ANKRD6: variants seen among roughly 807,000 people sequenced by gnomAD.
ANKRD6 encodes ankyrin repeat domain-containing protein 6.
Under a neutral mutation model 82.3 loss-of-function variants are expected in ANKRD6, and 56 were observed. That is an observed-to-expected ratio of 0.68 (90% CI 0.55 to 0.85). ANKRD6 has a LOEUF of 0.85. Ranked by LOEUF, ANKRD6 falls within the 40% of genes least tolerant of loss-of-function variation. The pLI, the probability that ANKRD6 is intolerant of heterozygous loss-of-function variation, is 0.00. For missense variants in ANKRD6, 852 were observed against 907.6 expected (o/e 0.94, Z 0.79); for synonymous variants, 347 against 352.1 (o/e 0.99, Z 0.16).
intron 13 of ANKRD6, 106 bp downstream of exon 13, chr6:89,624,797 TG>T: frequency 7.6e-7 from 1 of 1,308,580 alleles, no homozygotes; most frequent in Admixed American, 2.8e-5. Context: ...GAGTGTCCAG[TG>T]GGCTGTCAGG....
chr6:89,630,721 A>G lies in ANKRD6; in HGVS notation c.1901A>G (p.Gln634Arg). 6.2e-7 allele frequency: 1 copy of G among 1,613,942 alleles called. No homozygotes were observed. ...AGTGGGCCAACAAGGCATCGTGCCC[A>G]GCAACCCGCAGCCAGCAGCACCTGT... ...GKSGPTRHRA[Q>R]QPAASSTCGQ... Residue 634 changes from glutamine to arginine, a missense_variant, in exon 16 of 16, where the codon CAG becomes CGG. Physicochemically the swap from Gln to Arg is conservative, Grantham distance 43 (BLOSUM62 1). Transcript: ENST00000339746.
At position 89,530,392 on chromosome 6, in the gene ANKRD6, TAAA is replaced by T. The variant is rs548906817; in HGVS notation, c.-143-36430_-143-36428del. On this transcript the variant is annotated intron_variant, in intron 1 of 15. Transcript: ENST00000339746. ...GGTTGCCACAAACCTTCAATTTGTTTAAAAAAAAAAAAAAGTGAAGCACAACAG... is the reference window on the plus strand; with the variant it reads ...GGTTGCCACAAACCTTCAATTTGTTTAAAAAAAAAAAGTGAAGCACAACAG... Among the ~76,000 whole-genome samples, 346 of 143,340 alleles carry T rather than the reference TAAA, an allele frequency of 2.4e-3. 4 individuals are homozygous for T. The highest frequency in any genetic ancestry group is 8.4e-3 in the African/African-American group (328 of 39,200). 94.0% of individuals were successfully genotyped at this position (143,340 alleles called of 152,430 possible).
chr6:89,615,728 C>T (rs1801406486), intron 7 of ANKRD6, among the ~76,000 whole-genome samples: 1 of 151,980 alleles, frequency 6.6e-6, no homozygotes, highest in Non-Finnish European at 1.5e-5. Context: ...GTATCAGGCG[C>T]TTTGCCTGAT....
intron 11 of ANKRD6, 131 bp downstream of exon 11, chr6:89,623,675 A>G: frequency 7.3e-7 from 1 of 1,378,230 alleles, no homozygotes. Context: ...GAGCACAGAA[A>G]TTAAATCTGG....
intron 5 of ANKRD6, among the ~76,000 whole-genome samples, chr6:89,610,483 G>A (rs1258885701): frequency 6.6e-6 from 1 of 151,854 alleles, no homozygotes; most frequent in Non-Finnish European, 1.5e-5. Context: ...ACCACAATTT[G>A]TTTATCCAAA....
intron 1 of ANKRD6, among the ~76,000 whole-genome samples, chr6:89,445,264 C>CT (rs1227274602): frequency 0.13 from 8,059 of 64,160 alleles, 1,009 homozygotes; most frequent in East Asian, 0.31. Flanking sequence ...AGAGATCTTT[C>CT]TTTTTTTTTT....
At chr6:89,630,385 T>C in intron 15 of ANKRD6, 48 bp from the exon 16 acceptor site, 3 of 1,569,638 alleles carry the variant, frequency 1.9e-6, no homozygotes, top group Non-Finnish European at 2.6e-6. Context: ...GCCATATGAC[T>C]GTGTGAATGT....
chr6:89,548,329 C>A (rs1195376165), intron 1 of ANKRD6, among the ~76,000 whole-genome samples: 1 of 152,162 alleles, frequency 6.6e-6, no homozygotes, highest in African/African-American at 2.4e-5. Context: ...TTTAATTTTT[C>A]AAGATGCATC....
intron 1 of ANKRD6, among the ~76,000 whole-genome samples, chr6:89,467,638 A>G (rs1277724091): frequency 6.6e-6 from 1 of 152,222 alleles, no homozygotes; most frequent in Non-Finnish European, 1.5e-5. Context: ...CATAATGCTT[A>G]GTATCACAGT....
At chr6:89,576,605 A>G (rs1791159851) in intron 2 of ANKRD6, among the ~76,000 whole-genome samples, 1 of 152,166 alleles carries the variant, frequency 6.6e-6, no homozygotes, top group African/African-American at 2.4e-5. Context: ...TGAACAAGAC[A>G]GGAAAAAACA....
At chr6:89,444,696 G>A (rs1043688304) in intron 1 of ANKRD6, among the ~76,000 whole-genome samples, 19 of 152,232 alleles carry the variant, frequency 1.2e-4, no homozygotes, top group African/African-American at 3.9e-4. Context: ...GGCTGGGCGC[G>A]GTGGCTCACG....
At chr6:89,459,360 G>A (rs1198925191) in intron 1 of ANKRD6, among the ~76,000 whole-genome samples, 1 of 152,194 alleles carries the variant, frequency 6.6e-6, no homozygotes, top group East Asian at 1.9e-4. Flanking sequence ...TTACAGGCAT[G>A]AGCCACCATG....
chr6:89,511,401 CT>C (rs1203793824), intron 1 of ANKRD6, among the ~76,000 whole-genome samples: 83 of 152,318 alleles, frequency 5.4e-4, no homozygotes, highest in Non-Finnish European at 1.8e-4. Context: ...AGACCCAAGT[CT>C]GGGTACCCTG....
chr6:89,623,368 G>C, intron 10 of ANKRD6, 42 bp from the exon 11 acceptor site: 1 of 1,575,592 alleles, frequency 6.3e-7, no homozygotes, highest in Non-Finnish European at 8.6e-7. Context: ...AAAAGGCCAA[G>C]GAAGCAAACA....
intron 2 of ANKRD6, among the ~76,000 whole-genome samples, chr6:89,583,159 C>A (rs150927187): frequency 6.6e-6 from 1 of 152,180 alleles, no homozygotes; most frequent in African/African-American, 2.4e-5. Flanking sequence ...GGTATTTCCC[C>A]CTGAGGTTTC....
chr6:89,433,899 G>A lies in ANKRD6; in HGVS notation c.-144+524G>A, dbSNP rs1176978569. ...AAGCCTCAGCAAGTGGCATCTCCCG[G>A]GGTCCAGAGAGTCGGCGTGCTGTCT... is the stretch of plus-strand genomic sequence containing the variant. On this transcript the variant is annotated intron_variant, in intron 1 of 15. Coordinates refer to ENST00000339746, the MANE Select transcript of ANKRD6 (RefSeq NM_001242809.2). The surrounding 1 kb of genome is among the most constrained non-coding windows in gnomAD (Gnocchi z 4.3). 6.6e-6 allele frequency among the ~76,000 whole-genome samples: 1 copy of A among 152,258 alleles called. No homozygotes were observed. Among genetic ancestry groups the A allele is most frequent in the African/African-American group, 2.4e-5 (1 of 41,476 alleles).
intron 1 of ANKRD6, among the ~76,000 whole-genome samples, chr6:89,496,613 C>T (rs955859739): frequency 1.3e-5 from 2 of 152,158 alleles, no homozygotes; most frequent in Non-Finnish European, 2.9e-5. Context: ...ACCTCCTCCT[C>T]CCGGGTTTAA....
In ANKRD6 at chr6:89,624,604, T is replaced by A. The variant is rs1355853705; in HGVS notation, c.1284T>A (p.Thr428=). Residue 428 remains threonine (T), a synonymous_variant, in exon 13 of 16, where the codon ACT becomes ACA. Transcript: ENST00000339746. ...INKLENQLEA[T]VEEIKAELGS... ...AGCTGGAGAATCAGTTGGAGGCTACTGTGGAGGAGATAAAAGCAGAGCTGG... is the reference window on the plus strand; with the variant it reads ...AGCTGGAGAATCAGTTGGAGGCTACAGTGGAGGAGATAAAAGCAGAGCTGG... 1.3e-6 allele frequency: 2 copies of A among 1,568,250 alleles called. No homozygotes were observed. The highest frequency in any genetic ancestry group is 2.7e-5 in the African/African-American group (2 of 73,728).
At chr6:89,434,076 C>G (rs576839192) in intron 1 of ANKRD6, among the ~76,000 whole-genome samples, 1 of 152,298 alleles carries the variant, frequency 6.6e-6, no homozygotes, top group African/African-American at 2.4e-5. Flanking sequence ...AATGTTTCCC[C>G]CGCGAGGTAG....
Sources: allele counts gnomAD v4.1 joint callset (sites outside exome capture counted in the v4.1 genomes callset), GRCh38; gene constraint gnomAD v4.1.1; non-coding constraint Gnocchi (gnomAD v3.1); transcripts MANE v1.5; gene names NCBI Gene and HGNC (gene_info 2026-07-23, HGNC 2026-07-21).